DNAJC17: variants seen among roughly 807,000 people sequenced by gnomAD.
The protein encoded by DNAJC17 is DnaJ heat shock protein family (Hsp40) member C17, also known as dnaJ homolog subfamily C member 17.
In DNAJC17, 35 loss-of-function variants were observed where a neutral mutation model predicts 48.1. That is an observed-to-expected ratio of 0.73 (90% CI 0.56 to 0.96). The LOEUF (loss-of-function observed/expected upper bound fraction) is 0.96, where lower values mean the gene tolerates loss of function less well. Among genes scored for constraint, DNAJC17 ranks in the 50% least tolerant of loss-of-function variants. DNAJC17 has a pLI of 0.00. For synonymous variants in DNAJC17, 117 were observed against 142.7 expected (o/e 0.82, Z 1.28); for missense variants, 355 against 377.1 (o/e 0.94, Z 0.48).
chr15:40,784,629 A>T (rs1889593031), intron 1 of DNAJC17, among the ~76,000 whole-genome samples: 1 of 152,150 alleles, frequency 6.6e-6, no homozygotes. Context: ...ATTCTACTCC[A>T]GCCAATTACC....
At chr15:40,779,770 C>G in intron 2 of DNAJC17, 158 bp downstream of exon 2, 1 of 1,089,120 alleles carries the variant, frequency 9.2e-7, no homozygotes, top group East Asian at 2.6e-5. Flanking sequence ...AGCAACTGAC[C>G]AGACACCCCT....
At chr15:40,797,098 C>G (rs1201150316) in intron 1 of DNAJC17, among the ~76,000 whole-genome samples, 1 of 151,988 alleles carries the variant, frequency 6.6e-6, no homozygotes, top group African/African-American at 2.4e-5. Context: ...TGCCAGGGAT[C>G]GTAGCTCATG....
At chr15:40,790,100 CT>C (rs1889757350) in intron 1 of DNAJC17, among the ~76,000 whole-genome samples, 1 of 152,068 alleles carries the variant, frequency 6.6e-6, no homozygotes, top group African/African-American at 2.4e-5. Context: ...AACACAGTTC[CT>C]TAAGCTGTTC....
chr15:40,800,852 C>T (rs1486375298), intron 1 of DNAJC17, among the ~76,000 whole-genome samples: 1 of 151,484 alleles, frequency 6.6e-6, no homozygotes, highest in African/African-American at 2.4e-5. Flanking sequence ...TCGGCTACTC[C>T]GGAGACTGAA....
At chr15:40,778,247 A>T (rs1414344361) in intron 4 of DNAJC17, among the ~76,000 whole-genome samples, 1 of 151,840 alleles carries the variant, frequency 6.6e-6, no homozygotes, top group African/African-American at 2.4e-5. Flanking sequence ...ACAAGCACCA[A>T]TTTTTTTGTT....
Position 40,779,983 on chromosome 15 carries a change from A to G in DNAJC17, c.93T>C (p.Tyr31=). The change falls in exon 2 of 11, where the codon TAT becomes TAC. Residue 31 remains tyrosine (Y), a synonymous_variant. Coordinates refer to ENST00000220496, the MANE Select transcript of DNAJC17 (RefSeq NM_018163.3). Reference sequence around the variant, plus strand: ...GGTGGCAGGAGAGGGCCTTCTGCCTATACGCCTTCTTTACCTGGAAGAGTC... The same window carrying G: ...GGTGGCAGGAGAGGGCCTTCTGCCTGTACGCCTTCTTTACCTGGAAGAGTC... The part of the protein sequence containing the change: ...KAADKEVKKA[Y]RQKALSCHPD... 6.2e-7 allele frequency: 1 copy of G among 1,614,084 alleles called. No homozygotes were observed. Among genetic ancestry groups the G allele is most frequent in the South Asian group, 1.1e-5 (1 of 91,046 alleles).
rs557918963 is a variant in DNAJC17 at position 40,789,854 on chromosome 15, C to T, written c.79-9857G>A. 9.6e-5 allele frequency among the ~76,000 whole-genome samples: 12 copies of T among 125,628 alleles called. No individual in the cohort carries two copies. The South Asian group carries it at 2.1e-3, about 22-fold the overall frequency. 82.4% of individuals were successfully genotyped at this position (125,628 alleles called of 152,430 possible). On this transcript the variant is annotated intron_variant, in intron 1 of 10. Coordinates refer to ENST00000220496, the MANE Select transcript of DNAJC17 (RefSeq NM_018163.3). Reference sequence around the variant, plus strand: ...CCGGGAGGCGCATCTTGCAGTGAGCCGAGATTGCGCCACTGCACTCCAGCC... The same window carrying T: ...CCGGGAGGCGCATCTTGCAGTGAGCTGAGATTGCGCCACTGCACTCCAGCC...
rs200059682 is a variant in DNAJC17 at position 40,767,208 on chromosome 15, C to A, written c.*732G>T. On this transcript the variant is annotated 3_prime_UTR_variant, in exon 11 of 11. Transcript: ENST00000220496. ...GCTGTGTGCCCCTCCTCACCCCCCC[C>A]ATCCTGTCTCTTTGCAGTTATGAAT... 2.1e-5 allele frequency: 32 copies of A among 1,488,774 alleles called. No homozygotes were observed. The highest frequency in any genetic ancestry group is 2.4e-5 in the Non-Finnish European group (27 of 1,116,896). The allele number at this position is 1,488,774 out of a possible 1,614,324, so 92.2% of individuals were successfully genotyped here. A position where few individuals can be genotyped will look rare whatever the true frequency, so the allele number is the denominator to read the frequency against.
At chr15:40,774,493 C>A in intron 8 of DNAJC17, 57 bp from the exon 9 acceptor site, 2 of 1,594,328 alleles carry the variant, frequency 1.3e-6, no homozygotes, top group South Asian at 2.2e-5. Context: ...TGGCCCAGGT[C>A]ATGCCAGAGA....
At chr15:40,806,359 C>G (rs567068535) in intron 1 of DNAJC17, among the ~76,000 whole-genome samples, 100 of 151,722 alleles carry the variant, frequency 6.6e-4, no homozygotes, top group Non-Finnish European at 1.2e-3. Context: ...GCTGGGACTA[C>G]AGGTGTGTGC....
At chr15:40,805,143 C>A (rs971106781) in intron 1 of DNAJC17, among the ~76,000 whole-genome samples, 4 of 151,064 alleles carry the variant, frequency 2.6e-5, no homozygotes, top group African/African-American at 9.7e-5. Context: ...TTTGGGAGGC[C>A]GAGGTGGGAA....
chr15:40,768,182 G>A, intron 10 of DNAJC17, 120 bp from the exon 11 acceptor site: 1 of 1,306,938 alleles, frequency 7.7e-7, no homozygotes, highest in Non-Finnish European at 9.9e-7. Context: ...GACGGCAGAG[G>A]AAGGGAAGGA....
At chr15:40,783,791 G>A (rs1216575144) in intron 1 of DNAJC17, among the ~76,000 whole-genome samples, 1 of 152,126 alleles carries the variant, frequency 6.6e-6, no homozygotes, top group African/African-American at 2.4e-5. Context: ...TGATTCCGGG[G>A]GGCAGAGGCT....
At chr15:40,803,938 C>T (rs1024700528) in intron 1 of DNAJC17, among the ~76,000 whole-genome samples, 1 of 151,662 alleles carries the variant, frequency 6.6e-6, no homozygotes, top group Non-Finnish European at 1.5e-5. Flanking sequence ...CCTCCCACCC[C>T]CACCCATTTT....
chr15:40,788,413 T>C (rs967524195), intron 1 of DNAJC17, among the ~76,000 whole-genome samples: 3 of 152,034 alleles, frequency 2.0e-5, no homozygotes, highest in Admixed American at 1.3e-4. Flanking sequence ...AATTTAAAAA[T>C]GGGCCGGGCA....
chr15:40,787,019 G>A (rs4343248), intron 1 of DNAJC17, among the ~76,000 whole-genome samples: 7,810 of 152,202 alleles, frequency 0.051, 685 homozygotes, highest in African/African-American at 0.18. Context: ...CCTAGGTGGC[G>A]AGGATTTTAA....
intron 1 of DNAJC17, 33 bp from the exon 2 acceptor site, chr15:40,780,030 ACT>A: frequency 1.2e-6 from 2 of 1,604,596 alleles, no homozygotes; most frequent in Non-Finnish European, 1.7e-6. Context: ...ATGGCCATTC[ACT>A]CTCATCCCAG....
At chr15:40,788,569 G>A (rs921096592) in intron 1 of DNAJC17, among the ~76,000 whole-genome samples, 17 of 151,956 alleles carry the variant, frequency 1.1e-4, no homozygotes, top group East Asian at 9.7e-4. Context: ...GGTGGCGGGC[G>A]CCTGTAGTCC....
In DNAJC17 at chr15:40,780,397, T is replaced by C. The variant is rs562323352; in HGVS notation, c.79-400A>G. On this transcript the variant is annotated intron_variant, in intron 1 of 10. Coordinates refer to ENST00000220496, the MANE Select transcript of DNAJC17 (RefSeq NM_018163.3). ...TCAAAATTTAAAATGTTCTTTCCCTTTGACCCAAGTCCTAGGAATCTGGAC... is the reference window on the plus strand; with the variant it reads ...TCAAAATTTAAAATGTTCTTTCCCTCTGACCCAAGTCCTAGGAATCTGGAC... 8.8e-6 allele frequency: 4 copies of C among 455,506 alleles called. No individual in the cohort carries two copies. The Admixed American group carries it at 9.5e-5, about 11-fold the overall frequency. 28.2% of individuals were successfully genotyped at this position (455,506 alleles called of 1,614,324 possible).
Sources: allele counts gnomAD v4.1 joint callset (sites outside exome capture counted in the v4.1 genomes callset), GRCh38; gene constraint gnomAD v4.1.1; transcripts MANE v1.5; gene names NCBI Gene and HGNC (gene_info 2026-07-23, HGNC 2026-07-21).